The following PIK3C2G variants were observed in gnomAD, a reference collection of about 807,000 sequenced individuals.
PIK3C2G encodes the protein phosphatidylinositol-4-phosphate 3-kinase catalytic subunit type 2 gamma, also known as phosphatidylinositol 3-kinase C2 domain-containing subunit gamma.
Under a neutral mutation model 181.1 loss-of-function variants are expected in PIK3C2G, and 168 were observed. The ratio of observed to expected loss-of-function variants is 0.93; its 90% CI spans 0.82 to 1.05. The LOEUF (loss-of-function observed/expected upper bound fraction) is 1.05, where lower values mean the gene tolerates loss of function less well. Ranked by LOEUF, PIK3C2G falls within the 50% of genes least tolerant of loss-of-function variation. The pLI, the probability that PIK3C2G is intolerant of heterozygous loss-of-function variation, is 0.00. For synonymous variants in PIK3C2G, 573 were observed against 592.2 expected, an observed-to-expected ratio of 0.97 and a Z score of 0.47; for missense variants, 1,869 against 1,732.8, an observed-to-expected ratio of 1.08 and a Z score of -1.40.
At chr12:18,680,833 T>C in the PIK3C2G span, among the ~76,000 whole-genome samples, 1 of 152,022 alleles carries the variant, frequency 6.6e-6, no homozygotes, top group African/African-American at 2.4e-5. Context: ...TTCAAAAAAG[T>C]AGAGTTCTCC....
intron 32 of PIK3C2G, among the ~76,000 whole-genome samples, chr12:18,645,491 C>T (rs943506468): frequency 6.6e-6 from 1 of 152,080 alleles, no homozygotes; most frequent in Non-Finnish European, 1.5e-5. Context: ...ACCAGGAAAG[C>T]AATTAACTCC....
At chr12:18,521,871 AC>A (rs1942941699) in intron 24 of PIK3C2G, among the ~76,000 whole-genome samples, 2 of 152,162 alleles carry the variant, frequency 1.3e-5, no homozygotes, top group African/African-American at 4.8e-5. Flanking sequence ...CATGGTTAGG[AC>A]CCTAGGCCCC....
intron 29 of PIK3C2G, 25 bp downstream of exon 29, chr12:18,567,082 T>G (rs1443863788): frequency 1.9e-6 from 2 of 1,058,118 alleles, no homozygotes; most frequent in Non-Finnish European, 2.9e-6. Flanking sequence ...ATTTTTCTAT[T>G]TTTACATAAA....
At position 18,290,940 on chromosome 12, in the gene PIK3C2G, T is replaced by G. The variant is rs772150804; in HGVS notation, c.847T>G (p.Phe283Val). Residue 283 changes from phenylalanine (F) to valine (V), a missense_variant, in exon 4 of 33, where the codon TTT becomes GTT. Phe to Val is a conservative substitution (Grantham distance 50). Transcript: ENST00000538779. ...TACTACAGCATTTCCGTATCAGCTC[T>G]TTTCTAAGACCAAGTTTAATATACA... ...STTTAFPYQL[F>V]SKTKFNIHIF... is the part of the protein sequence containing the mutation. The G allele has an allele frequency of 6.3e-7, 1 of 1,589,114 alleles. No individual in the cohort carries two copies. Among genetic ancestry groups the G allele is most frequent in the Non-Finnish European group, 8.6e-7 (1 of 1,157,460 alleles).
intron 31 of PIK3C2G, among the ~76,000 whole-genome samples, chr12:18,614,696 A>T (rs887067718): frequency 1.3e-5 from 2 of 152,140 alleles, no homozygotes; most frequent in Non-Finnish European, 2.9e-5. Flanking sequence ...AATTTTATCC[A>T]GTCTTGAAAC....
intron 1 of PIK3C2G, among the ~76,000 whole-genome samples, chr12:18,262,805 T>C (rs534962950): frequency 2.1e-4 from 32 of 152,228 alleles, no homozygotes; most frequent in African/African-American, 7.7e-4. Flanking sequence ...AAGCAAAACA[T>C]GGTACAATTC....
At chr12:18,475,233 T>A (rs1412932250) in intron 18 of PIK3C2G, among the ~76,000 whole-genome samples, 1 of 151,720 alleles carries the variant, frequency 6.6e-6, no homozygotes, top group Non-Finnish European at 1.5e-5. Context: ...GGTTTTAGAG[T>A]CTGACTTTTT....
intron 1 of PIK3C2G, among the ~76,000 whole-genome samples, chr12:18,271,732 C>A (rs1948753009): frequency 1.3e-5 from 2 of 152,232 alleles, no homozygotes; most frequent in African/African-American, 2.4e-5. Context: ...AATCTCTTAA[C>A]CGTCTTTAAA....
intron 30 of PIK3C2G, among the ~76,000 whole-genome samples, chr12:18,608,727 A>C (rs998828869): frequency 2.6e-5 from 4 of 152,190 alleles, no homozygotes; most frequent in African/African-American, 4.8e-5. Context: ...AGTATAGAAT[A>C]AAAGTGGGAA....
rs139286427 is a variant in PIK3C2G, at chr12:18,610,126, G to A, written c.4182+497G>A. 5.4e-4 allele frequency among the ~76,000 whole-genome samples: 82 copies of A among 152,166 alleles called. No individual in the cohort carries two copies. The East Asian group carries it at 0.011, about 21-fold the overall frequency. On this transcript the variant is annotated intron_variant, in intron 31 of 32. Transcript: ENST00000538779. The stretch of plus-strand genomic sequence containing the variant: ...TTGGGGCAAGTCAGAGGCAATGATG[G>A]TAACTGGGCCATATCATTAAGAAAG...
chr12:18,439,756 T>G (rs1315934061), intron 18 of PIK3C2G, among the ~76,000 whole-genome samples: 1 of 152,126 alleles, frequency 6.6e-6, no homozygotes, highest in Admixed American at 6.6e-5. Flanking sequence ...CATTCAAGAT[T>G]CTATCCATAC....
Position 18,329,222 on chromosome 12 carries a change from C to T in PIK3C2G, c.1272+4124C>T, listed in dbSNP as rs560187256. Among the ~76,000 whole-genome samples, 8 of 151,562 alleles carry T rather than the reference C, an allele frequency of 5.3e-5. No homozygotes were observed. In the South Asian group the frequency reaches 6.3e-4, roughly 12 times the overall value. On this transcript the variant is annotated intron_variant, in intron 8 of 32. Transcript: ENST00000538779. ...ATGGAGAAAACTAGAGGGTTTTGTG[C>T]GAAGGAATAACATGATCTGACATTC...
intron 18 of PIK3C2G, among the ~76,000 whole-genome samples, chr12:18,477,932 C>A (rs1271785716): frequency 1.3e-5 from 2 of 152,082 alleles, no homozygotes; most frequent in Non-Finnish European, 2.9e-5. Flanking sequence ...CAGCTTTCAC[C>A]AGAGGGCTGT....
At chr12:18,315,491 C>T (rs768455605) in intron 6 of PIK3C2G, among the ~76,000 whole-genome samples, 25 of 152,062 alleles carry the variant, frequency 1.6e-4, no homozygotes, top group Middle Eastern at 3.2e-3. Flanking sequence ...AAAATAATAA[C>T]TTATCGGTAG....
intron 31 of PIK3C2G, among the ~76,000 whole-genome samples, chr12:18,622,663 A>G (rs1261890828): frequency 6.6e-6 from 1 of 151,880 alleles, no homozygotes; most frequent in Non-Finnish European, 1.5e-5. Context: ...ACTAATTTAC[A>G]TTCCCACTGA....
At chr12:18,695,076 G>C in the PIK3C2G span, 1 of 1,612,104 alleles carries the variant, frequency 6.2e-7, no homozygotes, top group Admixed American at 1.7e-5. Context: ...GAAATTTAAA[G>C]CCACTGTAAG....
intron 31 of PIK3C2G, among the ~76,000 whole-genome samples, chr12:18,634,117 C>T (rs985041307): frequency 6.6e-6 from 1 of 152,124 alleles, no homozygotes; most frequent in East Asian, 1.9e-4. Context: ...CTTCAAAGGC[C>T]ATTTCATCGT....
intron 11 of PIK3C2G, among the ~76,000 whole-genome samples, chr12:18,352,982 T>C (rs919254061): frequency 6.6e-6 from 1 of 152,042 alleles, no homozygotes; most frequent in African/African-American, 2.4e-5. Context: ...GGATGGTGGG[T>C]GGGACAGGCT....
chr12:18,275,108 G>C (rs1167380499), intron 1 of PIK3C2G, among the ~76,000 whole-genome samples: 1 of 152,156 alleles, frequency 6.6e-6, no homozygotes, highest in African/African-American at 2.4e-5. Flanking sequence ...AGTTTGAGAA[G>C]CTTTAATTTT....
Sources: gnomAD v4.1 joint callset for allele counts (sites outside exome capture counted in the v4.1 genomes callset) on GRCh38, gnomAD v4.1.1 for gene constraint, MANE v1.5 for transcripts, NCBI Gene and HGNC (gene_info 2026-07-23, HGNC 2026-07-21) for gene names.